Variants in ATP8A2 observed in about 807,000 individuals in gnomAD.
The protein encoded by ATP8A2 is phospholipid-transporting ATPase IB.
ATP8A2 carries 100 observed loss-of-function variants against 165.6 expected under a neutral mutation model. That is an observed-to-expected ratio of 0.60 (90% CI 0.51 to 0.71). The LOEUF is 0.71. ATP8A2 is among the 30% of genes least tolerant of loss of function. The pLI is 0.00. For synonymous variants in ATP8A2, 543 were observed against 548.8 expected (o/e 0.99, Z 0.15); for missense variants, 1,227 against 1,479.5 (o/e 0.83, Z 2.80).
At chr13:25,796,344 C>T (rs919991419) in intron 27 of ATP8A2, among the ~76,000 whole-genome samples, 1 of 152,158 alleles carries the variant, frequency 6.6e-6, no homozygotes, top group Non-Finnish European at 1.5e-5. Flanking sequence ...TGGTTATGAC[C>T]TAGTTACTGC....
At chr13:25,950,321 A>G (rs1955321643) in intron 33 of ATP8A2, among the ~76,000 whole-genome samples, 1 of 152,218 alleles carries the variant, frequency 6.6e-6, no homozygotes, top group Non-Finnish European at 1.5e-5. Context: ...TGGGTGATGT[A>G]AAGTAGCTAT....
chr13:25,591,459 C>G (rs990136595), intron 24 of ATP8A2: 19 of 430,904 alleles, frequency 4.4e-5, no homozygotes, highest in Non-Finnish European at 8.4e-5. Context: ...CTTCAAGGTT[C>G]ATCCATATCG....
intron 1 of ATP8A2, among the ~76,000 whole-genome samples, chr13:25,428,701 T>C (rs2034521064): frequency 6.6e-6 from 1 of 152,190 alleles, no homozygotes; most frequent in Admixed American, 6.5e-5. Flanking sequence ...AAATATATAA[T>C]GGCTCAAACA....
chr13:25,571,746 T>A, intron 18 of ATP8A2, 54 bp downstream of exon 18: 2 of 1,399,742 alleles, frequency 1.4e-6, no homozygotes, highest in African/African-American at 1.4e-5. Context: ...GAAGATTGTG[T>A]GTGTGAAATG....
chr13:25,590,874 T>C (rs2040054044), intron 24 of ATP8A2, among the ~76,000 whole-genome samples: 1 of 151,980 alleles, frequency 6.6e-6, no homozygotes, highest in African/African-American at 2.4e-5. Context: ...GGAGAGTCCG[T>C]AGTTCTGTAT....
intron 25 of ATP8A2, among the ~76,000 whole-genome samples, chr13:25,741,527 G>A (rs2043911245): frequency 6.6e-6 from 1 of 151,604 alleles, no homozygotes; most frequent in Non-Finnish European, 1.5e-5. Context: ...GTATATAGGT[G>A]CACACCACCA....
Position 25,774,907 on chromosome 13 carries a change from C to G in ATP8A2, c.2627C>G (p.Thr876Ser). Reference sequence around the variant, plus strand: ...GGAGCCTGGAGCTACAACCGGGTGACCAAGTGCATCTTGTACTGCTTCTAT... The same window carrying G: ...GGAGCCTGGAGCTACAACCGGGTGAGCAAGTGCATCTTGTACTGCTTCTAT... ...VHGAWSYNRV[T>S]KCILYCFYKN... Residue 876 changes from threonine to serine, a missense_variant, in exon 27 of 37, where the codon ACC becomes AGC. This residue lies in a region of ATP8A2 where 592 missense variants were observed against 785.6 expected (regional missense o/e 0.75). Transcript: ENST00000381655. The G allele has an allele frequency of 4.3e-6, 7 of 1,613,786 alleles. No homozygotes were observed. Among genetic ancestry groups the G allele is most frequent in the Non-Finnish European group, 5.9e-6 (7 of 1,179,756 alleles).
At chr13:25,710,590 C>G (rs1434819344) in intron 25 of ATP8A2, among the ~76,000 whole-genome samples, 1 of 152,168 alleles carries the variant, frequency 6.6e-6, no homozygotes, top group Non-Finnish European at 1.5e-5. Flanking sequence ...GTCAGGCCAG[C>G]TCCCAGGACT....
chr13:25,911,808 T>C (rs1466244936), intron 33 of ATP8A2, among the ~76,000 whole-genome samples: 1 of 152,220 alleles, frequency 6.6e-6, no homozygotes, highest in African/African-American at 2.4e-5. Flanking sequence ...CACTCTTTAC[T>C]ATCCCAACTT....
rs540737845 is a variant in ATP8A2, at chr13:25,907,236, C to T, written c.3183+44828C>T. Among the ~76,000 whole-genome samples the T allele has an allele frequency of 6.6e-5, 10 of 151,884 alleles. No homozygotes were observed. The East Asian group carries it at 7.7e-4, about 12-fold the overall frequency. On this transcript the variant is annotated intron_variant, in intron 33 of 36. Coordinates refer to ENST00000381655, the MANE Select transcript of ATP8A2 (RefSeq NM_016529.6). ...CTGCACTCCAGCCTGGGCGACAGAG[C>T]GAGACTCCATGTGGAGATCACGCCA...
Position 25,961,653 on chromosome 13 carries a change from G to C in ATP8A2, c.3262G>C (p.Ala1088Pro). ...TACTGCCTGTTTGATTGAAGATGTG[G>C]CATGGAGAGCGTAAGTTTAACAGTG... The part of the protein sequence containing the change: ...VPTACLIEDV[A>P]WRAAKHTCKK... The change falls in exon 34 of 37, where the codon GCA becomes CCA. Residue 1088 changes from alanine to proline, a missense_variant. Transcript: ENST00000381655. The C allele has an allele frequency of 6.2e-7, 1 of 1,613,038 alleles. No individual in the cohort carries two copies. The highest frequency in any genetic ancestry group is 8.5e-7 in the Non-Finnish European group (1 of 1,179,046).
At chr13:25,890,890 G>T (rs1396590085) in intron 33 of ATP8A2, among the ~76,000 whole-genome samples, 1 of 152,170 alleles carries the variant, frequency 6.6e-6, no homozygotes, top group Non-Finnish European at 1.5e-5. Context: ...ATTACTCTCA[G>T]GTTAAGTCAT....
At chr13:25,808,938 A>T (rs1950802185) in intron 27 of ATP8A2, among the ~76,000 whole-genome samples, 1 of 152,314 alleles carries the variant, frequency 6.6e-6, no homozygotes, top group East Asian at 1.9e-4. Flanking sequence ...CTGAAAGAGA[A>T]CTAAGGAATA....
At chr13:25,460,219 A>G (rs2035469796) in intron 1 of ATP8A2, among the ~76,000 whole-genome samples, 1 of 152,170 alleles carries the variant, frequency 6.6e-6, no homozygotes, top group South Asian at 2.1e-4. Context: ...AAAAACAAAC[A>G]AAGAAGCAAA....
chr13:25,703,900 C>T (rs937954666), intron 25 of ATP8A2, among the ~76,000 whole-genome samples: 1 of 152,100 alleles, frequency 6.6e-6, no homozygotes, highest in African/African-American at 2.4e-5. Flanking sequence ...TACTAAATTC[C>T]ACTCAATTGA....
chr13:25,463,540 A>G (rs1435312365), intron 1 of ATP8A2, among the ~76,000 whole-genome samples: 1 of 152,172 alleles, frequency 6.6e-6, no homozygotes, highest in African/African-American at 2.4e-5. Flanking sequence ...ATGGATAGAA[A>G]TTAGGTGTTG....
At chr13:25,761,545 C>T (rs1041592737) in intron 25 of ATP8A2, among the ~76,000 whole-genome samples, 2 of 151,734 alleles carry the variant, frequency 1.3e-5, no homozygotes, top group Non-Finnish European at 2.9e-5. Context: ...TGGGAGGCTG[C>T]GGCAGGAGGA....
intron 27 of ATP8A2, among the ~76,000 whole-genome samples, chr13:25,779,968 T>G (rs896145564): frequency 2.0e-5 from 3 of 152,232 alleles, no homozygotes; most frequent in Non-Finnish European, 4.4e-5. Context: ...GTTCAGGGTT[T>G]TCTTAATAGA....
chr13:25,402,118 C>T (rs1307378558), intron 1 of ATP8A2, among the ~76,000 whole-genome samples: 8 of 152,044 alleles, frequency 5.3e-5, no homozygotes, highest in African/African-American at 1.9e-4. Flanking sequence ...ACTAAATGGG[C>T]TGGCTGGGAG....
Sources: gnomAD v4.1 joint callset for allele counts (sites outside exome capture counted in the v4.1 genomes callset) on GRCh38, gnomAD v4.1.1 for gene constraint, gnomAD v4.1.1 regional missense constraint, MANE v1.5 for transcripts, NCBI Gene and HGNC (gene_info 2026-07-23, HGNC 2026-07-21) for gene names.